Variants in DLG2 observed in about 807,000 individuals in gnomAD.
DLG2 encodes disks large homolog 2.
DLG2 carries 45 observed loss-of-function variants against 132.5 expected under a neutral mutation model. That is an observed-to-expected ratio of 0.34 (90% CI 0.27 to 0.44). DLG2 has a LOEUF of 0.44. Ranked by LOEUF, DLG2 falls within the 20% of genes least tolerant of loss-of-function variation. DLG2 has a pLI of 1.00. For synonymous variants in DLG2, 424 were observed against 419.6 expected (o/e 1.01, Z -0.13); for missense variants, 1,045 against 1,196.9 (o/e 0.87, Z 1.87).
chr11:84,229,001 G>A (rs1014789386), intron 8 of DLG2, among the ~76,000 whole-genome samples: 2 of 151,876 alleles, frequency 1.3e-5, no homozygotes, highest in Non-Finnish European at 2.9e-5. Flanking sequence ...ATTATCTAAG[G>A]AAAAAAACCA....
At chr11:84,802,365 C>CCAG (rs371131136) in intron 6 of DLG2, among the ~76,000 whole-genome samples, 2,871 of 150,122 alleles carry the variant, frequency 0.019, 80 homozygotes, top group African/African-American at 0.061. Flanking sequence ...ACTCCGGAAC[C>CCAG]CAGCAGCAGC....
intron 6 of DLG2, among the ~76,000 whole-genome samples, chr11:85,004,447 G>T (rs1032550709): frequency 1.9e-4 from 29 of 152,166 alleles, no homozygotes; most frequent in African/African-American, 5.1e-4. Flanking sequence ...TTGTGGTTTT[G>T]ATTTGCATTT....
At chr11:84,718,925 C>T (rs1317228198) in intron 6 of DLG2, among the ~76,000 whole-genome samples, 5 of 152,142 alleles carry the variant, frequency 3.3e-5, no homozygotes, top group South Asian at 2.1e-4. Context: ...TATTTTTTAA[C>T]CAACCCTACA....
At chr11:84,733,874 G>A (rs1158349380) in intron 6 of DLG2, among the ~76,000 whole-genome samples, 1 of 152,156 alleles carries the variant, frequency 6.6e-6, no homozygotes, top group Non-Finnish European at 1.5e-5. Flanking sequence ...AGTTGTCCCA[G>A]CACCATTTGT....
rs967875322 is a variant in DLG2, at chr11:84,794,876, G to T, written c.358-260145C>A. Reference sequence around the variant, plus strand: ...CCGAGGTGGGGCTGAGGGCAGCTCGGCAAGAGCCTGCAGGCACCGCTTGGC... The same window carrying T: ...CCGAGGTGGGGCTGAGGGCAGCTCGTCAAGAGCCTGCAGGCACCGCTTGGC... On this transcript the variant is annotated intron_variant, in intron 6 of 27. Coordinates refer to ENST00000376104, the MANE Select transcript of DLG2 (RefSeq NM_001142699.3). Among the ~76,000 whole-genome samples the T allele has an allele frequency of 1.1e-4, 16 of 152,210 alleles. 1 individual carries two copies. The highest frequency in any genetic ancestry group is 3.9e-4 in the Admixed American group (6 of 15,284).
intron 11 of DLG2, among the ~76,000 whole-genome samples, chr11:84,033,512 C>A (rs2625514): frequency 6.6e-6 from 1 of 152,090 alleles, no homozygotes; most frequent in South Asian, 2.1e-4. Context: ...TGAGATGGAA[C>A]CTACTCCTCT....
chr11:83,984,741 A>T (rs962221727), intron 11 of DLG2, among the ~76,000 whole-genome samples: 1 of 152,134 alleles, frequency 6.6e-6, no homozygotes, highest in Non-Finnish European at 1.5e-5. Flanking sequence ...TAGGGTGCAC[A>T]TGATAATTTG....
chr11:84,332,508 CTTTTTTTTTTTTT>C (rs34149557), intron 7 of DLG2, among the ~76,000 whole-genome samples: 1 of 78,292 alleles, frequency 1.3e-5, no homozygotes, highest in Non-Finnish European at 2.3e-5. Context: ...CCGCGCCTGG[CTTTTTTTTTTTTT>C]TTTTTTTTTG....
At chr11:84,923,475 A>T (rs1302661583) in intron 6 of DLG2, 6 of 732,264 alleles carry the variant, frequency 8.2e-6, no homozygotes, top group Non-Finnish European at 9.8e-6. Context: ...CTCAGGAAGG[A>T]GGGGGGGAAA....
At chr11:84,937,499 G>T (rs2048889520) in intron 6 of DLG2, among the ~76,000 whole-genome samples, 1 of 152,116 alleles carries the variant, frequency 6.6e-6, no homozygotes, top group Non-Finnish European at 1.5e-5. Context: ...CCAGAGAAGG[G>T]GTGGTTACTT....
intron 18 of DLG2, among the ~76,000 whole-genome samples, chr11:83,772,760 C>A (rs1033627348): frequency 6.6e-6 from 1 of 152,090 alleles, no homozygotes; most frequent in African/African-American, 2.4e-5. Flanking sequence ...TACACATTCT[C>A]CTGTTAAGTG....
chr11:84,585,824 A>G (rs553924458), intron 6 of DLG2, among the ~76,000 whole-genome samples: 1 of 152,332 alleles, frequency 6.6e-6, no homozygotes, highest in East Asian at 1.9e-4. Context: ...AATCTTCTGT[A>G]ACTTTAGTAA....
At chr11:84,152,389 CTCT>C (rs1203500374) in intron 9 of DLG2, among the ~76,000 whole-genome samples, 1 of 148,042 alleles carries the variant, frequency 6.8e-6, no homozygotes, top group Non-Finnish European at 1.5e-5. Context: ...TTTTTGTTTT[CTCT>C]TTTTTTTTTT....
chr11:85,240,421 AT>A (rs1389284066), intron 4 of DLG2, among the ~76,000 whole-genome samples: 1 of 151,800 alleles, frequency 6.6e-6, no homozygotes, highest in Non-Finnish European at 1.5e-5. Flanking sequence ...AAAAGCTCTT[AT>A]GTTTTAAAGT....
intron 6 of DLG2, among the ~76,000 whole-genome samples, chr11:84,871,483 G>A (rs1210284523): frequency 6.6e-6 from 1 of 152,148 alleles, no homozygotes; most frequent in Admixed American, 6.5e-5. Context: ...TTGTGTGCTT[G>A]AACCTTGAGG....
intron 3 of DLG2, among the ~76,000 whole-genome samples, chr11:85,444,464 G>T (rs1386491704): frequency 6.6e-6 from 1 of 152,170 alleles, no homozygotes; most frequent in Non-Finnish European, 1.5e-5. Context: ...GACACATTTT[G>T]GTGGAAACTG....
chr11:84,065,105 A>T (rs2096651367), intron 10 of DLG2, among the ~76,000 whole-genome samples: 1 of 152,138 alleles, frequency 6.6e-6, no homozygotes, highest in South Asian at 2.1e-4. Context: ...AAACCTAAAC[A>T]TATAAAAACC....
chr11:84,508,311 C>T (rs891066909), intron 7 of DLG2, among the ~76,000 whole-genome samples: 3 of 151,836 alleles, frequency 2.0e-5, no homozygotes, highest in Admixed American at 2.0e-4. Flanking sequence ...TACCTGTTGT[C>T]TTTCATTGGT....
At chr11:83,584,217 C>T (rs968038240) in intron 19 of DLG2, among the ~76,000 whole-genome samples, 1 of 152,186 alleles carries the variant, frequency 6.6e-6, no homozygotes, top group South Asian at 2.1e-4. Context: ...TGGTGGAAGA[C>T]ACTATCTTAC....
Sources: gnomAD v4.1 joint callset for allele counts (sites outside exome capture counted in the v4.1 genomes callset) on GRCh38, gnomAD v4.1.1 for gene constraint, MANE v1.5 for transcripts, NCBI Gene and HGNC (gene_info 2026-07-23, HGNC 2026-07-21) for gene names.